The following AFAP1L2 variants were observed in gnomAD, a reference collection of about 807,000 sequenced individuals.
AFAP1L2 encodes the protein actin filament associated protein 1 like 2, also known as actin filament-associated protein 1-like 2.
In AFAP1L2, 46 loss-of-function variants were observed where a neutral mutation model predicts 99.3. The ratio of observed to expected loss-of-function variants is 0.46; its 90% CI spans 0.37 to 0.59. AFAP1L2 has a LOEUF of 0.59. Among genes scored for constraint, AFAP1L2 ranks in the 20% least tolerant of loss-of-function variants. AFAP1L2 has a pLI of 0.00. For synonymous variants in AFAP1L2, 397 were observed against 419.1 expected, an observed-to-expected ratio of 0.95 and a Z score of 0.64; for missense variants, 959 against 1,034.9, an observed-to-expected ratio of 0.93 and a Z score of 1.01.
intron 1 of AFAP1L2, among the ~76,000 whole-genome samples, chr10:114,379,285 C>T (rs979549227): frequency 2.5e-4 from 38 of 151,954 alleles, no homozygotes; most frequent in African/African-American, 8.2e-4. Flanking sequence ...GAGCCCCAGA[C>T]CTGTCAACCA....
chr10:114,365,382 A>C, intron 1 of AFAP1L2, among the ~76,000 whole-genome samples: 1 of 152,362 alleles, frequency 6.6e-6, no homozygotes, highest in Non-Finnish European at 1.5e-5. Flanking sequence ...CCAAACTCCC[A>C]GTCATTAGGC....
chr10:114,299,723 C>T lies in AFAP1L2; in HGVS notation c.1958-308G>A, dbSNP rs2040810908. 2.0e-5 allele frequency among the ~76,000 whole-genome samples: 3 copies of T among 152,210 alleles called. No homozygotes were observed. The South Asian group carries it at 6.2e-4, about 32-fold the overall frequency. Reference sequence around the variant, plus strand: ...GAATCAGTGGACTGGGAGAGGCAGACCCGCTCTCAGTCTGGGTGGGCACCA... The same window carrying T: ...GAATCAGTGGACTGGGAGAGGCAGATCCGCTCTCAGTCTGGGTGGGCACCA... On this transcript the variant is annotated intron_variant, in intron 15 of 18. Coordinates refer to ENST00000304129, the MANE Select transcript of AFAP1L2 (RefSeq NM_001001936.3).
At chr10:114,308,277 A>T (rs2042721504) in intron 9 of AFAP1L2, among the ~76,000 whole-genome samples, 156 bp downstream of exon 9, 3 of 152,192 alleles carry the variant, frequency 2.0e-5, no homozygotes. Flanking sequence ...AATTTGGCCG[A>T]GTCTCCCTTT....
chr10:114,361,062 C>T (rs2052332480), intron 1 of AFAP1L2, among the ~76,000 whole-genome samples: 4 of 152,214 alleles, frequency 2.6e-5, no homozygotes, highest in Non-Finnish European at 5.9e-5. Context: ...TCTCACATAT[C>T]GGCAGACAGG....
intron 11 of AFAP1L2, 21 bp downstream of exon 11, chr10:114,304,698 C>A: frequency 1.9e-6 from 3 of 1,583,768 alleles, no homozygotes; most frequent in South Asian, 1.1e-5. Context: ...TGGCCCTGCT[C>A]CCCCTGCAGG....
At chr10:114,350,585 G>A (rs888154736) in intron 1 of AFAP1L2, among the ~76,000 whole-genome samples, 23 of 152,286 alleles carry the variant, frequency 1.5e-4, no homozygotes, top group Admixed American at 1.1e-3. Context: ...CAGTAGACCT[G>A]GGCAAAGGGC....
intron 5 of AFAP1L2, 27 bp downstream of exon 5, chr10:114,323,144 T>A (rs887806814): frequency 3.0e-5 from 47 of 1,562,596 alleles, no homozygotes; most frequent in Non-Finnish European, 3.9e-5. Context: ...TAAGTCACCC[T>A]CCCAAGCCCC....
chr10:114,376,688 C>T (rs1026312645), intron 1 of AFAP1L2, among the ~76,000 whole-genome samples: 2 of 152,212 alleles, frequency 1.3e-5, no homozygotes, highest in African/African-American at 2.4e-5. Flanking sequence ...AGGGCTGATA[C>T]AACACTGCCA....
At chr10:114,353,021 C>T (rs1590443345) in intron 1 of AFAP1L2, among the ~76,000 whole-genome samples, 1 of 152,174 alleles carries the variant, frequency 6.6e-6, no homozygotes, top group Non-Finnish European at 1.5e-5. Context: ...ACTAAAACGC[C>T]ACACCCAACT....
At chr10:114,371,098 C>G (rs934996018) in intron 1 of AFAP1L2, among the ~76,000 whole-genome samples, 1 of 152,152 alleles carries the variant, frequency 6.6e-6, no homozygotes, top group Non-Finnish European at 1.5e-5. Context: ...CCTACGGGAC[C>G]CATGGAGAGG....
chr10:114,281,092 A>G, the AFAP1L2 span: 1 of 152,124 alleles, frequency 6.6e-6, no homozygotes, highest in Non-Finnish European at 1.5e-5. Context: ...CGTGTACTCC[A>G]TTTTACCCCA....
chr10:114,289,378 C>T, the AFAP1L2 span: 1 of 1,614,040 alleles, frequency 6.2e-7, no homozygotes, highest in Admixed American at 1.7e-5. Flanking sequence ...GGGGCCTGTC[C>T]TAAGTGAGGG....
chr10:114,303,771 G>A (rs1012253261), intron 11 of AFAP1L2, among the ~76,000 whole-genome samples: 1 of 152,074 alleles, frequency 6.6e-6, no homozygotes, highest in African/African-American at 2.4e-5. Flanking sequence ...TCAAAACCCC[G>A]ATCTGAGCTT....
At chr10:114,389,428 G>A (rs1011981491) in intron 1 of AFAP1L2, among the ~76,000 whole-genome samples, 9 of 152,164 alleles carry the variant, frequency 5.9e-5, no homozygotes, top group Non-Finnish European at 1.3e-4. Context: ...TAAGTGAAGA[G>A]GAGCAAAATG....
At chr10:114,281,757 C>G in the AFAP1L2 span, 1 of 985,344 alleles carries the variant, frequency 1.0e-6, no homozygotes. Context: ...CAGTGCTCTT[C>G]TCTCCCCATC....
Position 114,304,769 on chromosome 10 carries a change from G to C in AFAP1L2, c.1234C>G (p.Leu412Val), listed in dbSNP as rs73365341. 1 of 1,612,676 alleles carries C rather than the reference G, an allele frequency of 6.2e-7. No homozygotes were observed. The highest frequency in any genetic ancestry group is 1.1e-5 in the South Asian group (1 of 91,056). Residue 412 changes from leucine (L) to valine (V), a missense_variant, in exon 11 of 19, where the codon CTC (leucine) becomes GTC (valine). Leu to Val is a conservative substitution (Grantham distance 32, BLOSUM62 1). Coordinates refer to ENST00000304129, the MANE Select transcript of AFAP1L2 (RefSeq NM_001001936.3). Reference protein sequence around the residue: ...EVVPDPSPDHLYSFRILHKGE... With the variant: ...EVVPDPSPDHVYSFRILHKGE... ...TTGTGGAGGATGCGGAAGGAGTAGA[G>C]GTGGTCGGGGCTGGGGTCTGGGACC...
intron 5 of AFAP1L2, among the ~76,000 whole-genome samples, chr10:114,317,629 C>T (rs1889453): frequency 0.59 from 89,402 of 152,142 alleles, 31,082 homozygotes; most frequent in East Asian, 0.91. Context: ...GAGGCCAAGG[C>T]AGGTGGATCA....
intron 1 of AFAP1L2, among the ~76,000 whole-genome samples, chr10:114,362,647 A>C (rs2052599785): frequency 6.6e-6 from 1 of 152,108 alleles, no homozygotes; most frequent in Non-Finnish European, 1.5e-5. Context: ...CCTGTTTTAA[A>C]CCAACATAAG....
chr10:114,299,638 G>T (rs1012498078), intron 15 of AFAP1L2, among the ~76,000 whole-genome samples: 1 of 152,224 alleles, frequency 6.6e-6, no homozygotes, highest in Non-Finnish European at 1.5e-5. Context: ...TGGATTGAAG[G>T]ATGCAAAGTA....
Sources: allele counts gnomAD v4.1 joint callset (sites outside exome capture counted in the v4.1 genomes callset), GRCh38; gene constraint gnomAD v4.1.1; transcripts MANE v1.5; gene names NCBI Gene and HGNC (gene_info 2026-07-23, HGNC 2026-07-21).